Variants in OXCT1 observed in about 807,000 individuals in gnomAD.
The protein encoded by OXCT1 is 3-oxoacid CoA-transferase 1, also known as succinyl-CoA:3-ketoacid coenzyme A transferase 1, mitochondrial.
In OXCT1, 27 loss-of-function variants were observed where a neutral mutation model predicts 69.6. The ratio of observed to expected loss-of-function variants is 0.39; its 90% CI spans 0.29 to 0.54. The LOEUF (loss-of-function observed/expected upper bound fraction) is 0.54, where lower values mean the gene tolerates loss of function less well. OXCT1 is among the 20% of genes least tolerant of loss of function. OXCT1 has a pLI of 0.72. For synonymous variants in OXCT1, 202 were observed against 217.8 expected, an observed-to-expected ratio of 0.93 and a Z score of 0.64; for missense variants, 437 against 650.2, an observed-to-expected ratio of 0.67 and a Z score of 3.57.
intron 14 of OXCT1, among the ~76,000 whole-genome samples, chr5:41,761,566 C>T (rs768891874): frequency 6.6e-6 from 1 of 152,092 alleles, no homozygotes; most frequent in Non-Finnish European, 1.5e-5. Context: ...GTAACAGGCA[C>T]TCAAATATTT....
intron 4 of OXCT1, among the ~76,000 whole-genome samples, chr5:41,852,092 C>A (rs572534698): frequency 1.3e-5 from 2 of 152,302 alleles, no homozygotes; most frequent in Admixed American, 1.3e-4. Flanking sequence ...CATCTGCAAG[C>A]CAAGGAGGAC....
intron 13 of OXCT1, among the ~76,000 whole-genome samples, chr5:41,773,412 GA>G (rs1412077994): frequency 0.018 from 2,092 of 113,198 alleles, 80 homozygotes; most frequent in South Asian, 0.1. Context: ...CTGTCTCTAC[GA>G]AAAAAAAAAA....
intron 6 of OXCT1, 100 bp from the exon 7 acceptor site, chr5:41,840,611 A>C (rs1748582186): frequency 5.8e-6 from 4 of 690,782 alleles, no homozygotes; most frequent in Non-Finnish European, 1.0e-5. Context: ...CTATGAACTA[A>C]GAATCTAAGA....
intron 7 of OXCT1, among the ~76,000 whole-genome samples, chr5:41,819,266 A>G (rs1194241593): frequency 6.6e-6 from 1 of 151,892 alleles, no homozygotes; most frequent in African/African-American, 2.4e-5. Flanking sequence ...CTCAGTTTGT[A>G]TCAGTGACAG....
At chr5:41,787,133 G>A (rs757781186) in intron 13 of OXCT1, among the ~76,000 whole-genome samples, 2 of 152,042 alleles carry the variant, frequency 1.3e-5, no homozygotes, top group African/African-American at 2.4e-5. Context: ...AATTTTTCTG[G>A]CCAGTAACTC....
intron 14 of OXCT1, among the ~76,000 whole-genome samples, chr5:41,751,643 T>TG (rs1251673785): frequency 1.1e-4 from 16 of 152,270 alleles, no homozygotes; most frequent in African/African-American, 3.8e-4. Context: ...GAATGTTAGC[T>TG]GGTACTGTTT....
At chr5:41,760,057 C>A (rs952766433) in intron 14 of OXCT1, among the ~76,000 whole-genome samples, 13 of 152,208 alleles carry the variant, frequency 8.5e-5, no homozygotes, top group African/African-American at 3.1e-4. Context: ...CTCTTCCCTA[C>A]CTCTTTTCCA....
At chr5:41,841,706 T>A (rs1748633956) in intron 6 of OXCT1, among the ~76,000 whole-genome samples, 1 of 152,206 alleles carries the variant, frequency 6.6e-6, no homozygotes, top group Non-Finnish European at 1.5e-5. Flanking sequence ...TAATCTTTTT[T>A]AAAAAGCAAC....
chr5:41,856,871 A>G (rs1355089), intron 3 of OXCT1, among the ~76,000 whole-genome samples: 2,489 of 152,274 alleles, frequency 0.016, 100 homozygotes, highest in South Asian at 0.079. Context: ...CCGTTGTTCA[A>G]GGGCTGTCTT....
At chr5:41,856,091 G>T (rs1402748372) in intron 3 of OXCT1, among the ~76,000 whole-genome samples, 1 of 152,192 alleles carries the variant, frequency 6.6e-6, no homozygotes, top group East Asian at 1.9e-4. Context: ...AAGACAGGAA[G>T]TCCCTGTAAA....
At chr5:41,866,601 C>T (rs1286471344) in intron 1 of OXCT1, among the ~76,000 whole-genome samples, 1 of 152,210 alleles carries the variant, frequency 6.6e-6, no homozygotes, top group African/African-American at 2.4e-5. Flanking sequence ...TGTGAAAATA[C>T]TTTAGCTGTC....
chr5:41,848,226 G>A (rs1268606381), intron 5 of OXCT1, among the ~76,000 whole-genome samples: 1 of 152,052 alleles, frequency 6.6e-6, no homozygotes, highest in Non-Finnish European at 1.5e-5. Flanking sequence ...CTTTTACAAG[G>A]GATGTGAAGG....
At chr5:41,831,212 G>C (rs1418273726) in intron 7 of OXCT1, among the ~76,000 whole-genome samples, 1 of 152,150 alleles carries the variant, frequency 6.6e-6, no homozygotes, top group East Asian at 1.9e-4. Context: ...ACCATGCAAT[G>C]AAAAAAGTTT....
At chr5:41,775,186 T>C (rs1166668934) in intron 13 of OXCT1, among the ~76,000 whole-genome samples, 1 of 152,086 alleles carries the variant, frequency 6.6e-6, no homozygotes, top group Non-Finnish European at 1.5e-5. Context: ...CCTAACTACC[T>C]GGAATTAGCA....
chr5:41,813,742 C>A (rs1747096967), intron 7 of OXCT1, among the ~76,000 whole-genome samples: 1 of 148,234 alleles, frequency 6.7e-6, no homozygotes, highest in African/African-American at 2.6e-5. Context: ...CTTTTAAATG[C>A]CCCAAGAATG....
intron 16 of OXCT1, among the ~76,000 whole-genome samples, chr5:41,734,835 G>A (rs1439569661): frequency 1.3e-5 from 2 of 152,154 alleles, no homozygotes; most frequent in African/African-American, 2.4e-5. Context: ...TAAGAGATTA[G>A]CATCCAGAAT....
rs1034767588 is a variant in OXCT1 at position 41,837,109 on chromosome 5, T to C, written c.732+3342A>G. Among the ~76,000 whole-genome samples the C allele has an allele frequency of 4.6e-5, 7 of 152,286 alleles. No individual in the cohort carries two copies. In the East Asian group the frequency reaches 1.3e-3, roughly 29 times the overall value. ...CAAATTTAAGATGCCTAAGGGAATC[T>C]TAGTACTTTAAATATTTATAGTTCT... is the stretch of plus-strand genomic sequence containing the variant. On this transcript the variant is annotated intron_variant, in intron 7 of 16. Transcript: ENST00000196371.
Position 41,869,136 on chromosome 5 carries a change from C to T in OXCT1, c.78+1145G>A, listed in dbSNP as rs148784389. Among the ~76,000 whole-genome samples the T allele has an allele frequency of 1.8e-4, 28 of 152,276 alleles. 1 individual carries two copies. The East Asian group carries it at 5.4e-3, about 29-fold the overall frequency. ...CTATCTGCAGTTATAAAAATGCTTC[C>T]TAAGAGGCATTTAAGAGTAAAATGG... is the stretch of plus-strand genomic sequence containing the variant. On this transcript the variant is annotated intron_variant, in intron 1 of 16. Transcript: ENST00000196371.
chr5:41,821,382 C>G (rs1411796835), intron 7 of OXCT1, among the ~76,000 whole-genome samples: 5 of 152,160 alleles, frequency 3.3e-5, no homozygotes, highest in Non-Finnish European at 7.4e-5. Flanking sequence ...AGAGCATGAA[C>G]AAGTCTATCA....
Sources: allele counts gnomAD v4.1 joint callset (sites outside exome capture counted in the v4.1 genomes callset), GRCh38; gene constraint gnomAD v4.1.1; transcripts MANE v1.5; gene names NCBI Gene and HGNC (gene_info 2026-07-23, HGNC 2026-07-21).